Variants in ZNF276 observed in about 807,000 individuals in gnomAD.
The protein encoded by ZNF276 is centromere protein Z.
ZNF276 carries 59 observed loss-of-function variants against 63.9 expected under a neutral mutation model. That is an observed-to-expected ratio of 0.92 (90% CI 0.75 to 1.15). ZNF276 has a LOEUF of 1.15. ZNF276 is among the 50% of genes most tolerant of loss of function. ZNF276 has a pLI of 0.00. For synonymous variants in ZNF276, 496 were observed against 348.4 expected (o/e 1.42, Z -4.72); for missense variants, 1,084 against 843.8 (o/e 1.28, Z -3.53).
chr16:89,733,542 C>G lies in ZNF276; in HGVS notation c.1341C>G (p.Gly447=), dbSNP rs17177891. 6.2e-7 allele frequency: 1 copy of G among 1,614,062 alleles called. No individual in the cohort carries two copies. Among genetic ancestry groups the G allele is most frequent in the East Asian group, 2.2e-5 (1 of 44,866 alleles). ...AGGGCTGCACGGCCGTGTACCGAGG[C>G]GCTGACGGCATGAAGGTGAGCACTG... ...PYQGCTAVYR[G]ADGMKKHIKE... is the part of the protein sequence containing the mutation. The change falls in exon 8 of 11, where the codon GGC becomes GGG. Residue 447 remains glycine, a synonymous_variant. Coordinates refer to ENST00000443381, the MANE Select transcript of ZNF276 (RefSeq NM_001113525.2).
Position 89,733,921 on chromosome 16 carries a change from A to G in ZNF276, c.1357A>G (p.Lys453Glu). Residue 453 changes from lysine to glutamate, a missense_variant and splice_region_variant, in exon 9 of 11, where the codon AAG (lysine) becomes GAG (glutamate). Physicochemically the swap from Lys to Glu is moderately conservative, Grantham distance 56 (BLOSUM62 1). Coordinates refer to ENST00000443381, the MANE Select transcript of ZNF276 (RefSeq NM_001113525.2). ...AVYRGADGMK[K>E]HIKEHHEEVR... ...GTCTCTCACCGAGTCTCTCCTTCAG[A>G]AGCACATCAAGGAGCACCACGAGGA... 6.2e-7 allele frequency: 1 copy of G among 1,613,426 alleles called. No homozygotes were observed. The highest frequency in any genetic ancestry group is 8.5e-7 in the Non-Finnish European group (1 of 1,179,720).
At chr16:89,729,401 G>A in intron 6 of ZNF276, 83 bp downstream of exon 6, 1 of 1,245,852 alleles carries the variant, frequency 8.0e-7, no homozygotes, top group South Asian at 1.2e-5. Flanking sequence ...TCTCCCCGGT[G>A]CCCACTCAGT....
At chr16:89,736,432 C>A (rs2061894555) in intron 9 of ZNF276, among the ~76,000 whole-genome samples, 1 of 151,644 alleles carries the variant, frequency 6.6e-6, no homozygotes. Context: ...TCATGCAATT[C>A]TGCTGCCTCA....
In ZNF276 at chr16:89,740,295, G is replaced by A. The variant is rs55667823; in HGVS notation, c.*2049G>A. 1,399 of 605,542 alleles carry A rather than the reference G, an allele frequency of 2.3e-3. 12 individuals carry two copies. Among genetic ancestry groups the A allele is most frequent in the East Asian group, 2.6e-3 (90 of 35,252 alleles). 37.5% of individuals were successfully genotyped at this position (605,542 alleles called of 1,614,324 possible). On this transcript the variant is annotated 3_prime_UTR_variant, in exon 11 of 11. Transcript: ENST00000443381. The stretch of plus-strand genomic sequence containing the variant: ...GCTCAGGTAGGAGGCCAGGGACTTC[G>A]AGCACCCACACCAAGGCTGCTGCAC...
chr16:89,728,726 G>A (rs939898452), intron 5 of ZNF276, among the ~76,000 whole-genome samples: 4 of 151,958 alleles, frequency 2.6e-5, no homozygotes, highest in Admixed American at 1.3e-4. Flanking sequence ...TAGTAGAGAC[G>A]GGGTTTCACG....
At chr16:89,736,922 G>A (rs540858904) in intron 9 of ZNF276, among the ~76,000 whole-genome samples, 6 of 152,066 alleles carry the variant, frequency 3.9e-5, no homozygotes, top group South Asian at 2.1e-4. Flanking sequence ...AAAGAACAGC[G>A]TAGAGTAAAA....
intron 6 of ZNF276, chr16:89,731,604 G>A (rs1457086517): frequency 6.6e-6 from 1 of 152,298 alleles, no homozygotes; most frequent in Non-Finnish European, 1.5e-5. Flanking sequence ...TCATGTTGTT[G>A]CCTAGGCTGG....
chr16:89,734,479 C>G (rs3764257), intron 9 of ZNF276, among the ~76,000 whole-genome samples: 28,449 of 152,094 alleles, frequency 0.19, 3,324 homozygotes, highest in Middle Eastern at 0.3. Context: ...GCACCCGCAA[C>G]CATGCCTGGC....
In ZNF276 at chr16:89,738,749, A is replaced by G. The variant is rs1242162771; in HGVS notation, c.*503A>G. The G allele has an allele frequency of 1.9e-6, 3 of 1,612,726 alleles. No individual in the cohort carries two copies. Among genetic ancestry groups the G allele is most frequent in the East Asian group, 2.2e-5 (1 of 44,868 alleles). On this transcript the variant is annotated 3_prime_UTR_variant, in exon 11 of 11. Coordinates refer to ENST00000443381, the MANE Select transcript of ZNF276 (RefSeq NM_001113525.2). ...AGGTCCTCAGCCCATGCCGCCCACTAGGCCTCAGACCACAGGGGAGGGGCT... is the reference window on the plus strand; with the variant it reads ...AGGTCCTCAGCCCATGCCGCCCACTGGGCCTCAGACCACAGGGGAGGGGCT...
At chr16:89,724,090 G>A (rs2151664518) in intron 4 of ZNF276, among the ~76,000 whole-genome samples, 1 of 152,346 alleles carries the variant, frequency 6.6e-6, no homozygotes, top group Admixed American at 6.5e-5. Context: ...TGCTGCCCTG[G>A]GCCAGCTGCA....
Position 89,733,288 on chromosome 16 carries a change from C to A in ZNF276, c.1170-14C>A, listed in dbSNP as rs747173864. 5 of 1,606,614 alleles carry A rather than the reference C, an allele frequency of 3.1e-6. No homozygotes were observed. The Admixed American group carries it at 6.8e-5, about 22-fold the overall frequency. On this transcript the variant is annotated splice_polypyrimidine_tract_variant and intron_variant, in intron 6 of 10. Coordinates refer to ENST00000443381, the MANE Select transcript of ZNF276 (RefSeq NM_001113525.2). ...GATCAGAAACCATTGAATTTGGGAA[C>A]CTCTTTTTTTCAGAGTCTCTGGTAA... is the stretch of plus-strand genomic sequence containing the variant.
At position 89,740,740 on chromosome 16, in the gene ZNF276, T is replaced by C. The variant is rs1009868548; in HGVS notation, c.*2494T>C. On this transcript the variant is annotated 3_prime_UTR_variant, in exon 11 of 11. Coordinates refer to ENST00000443381, the MANE Select transcript of ZNF276 (RefSeq NM_001113525.2). ...TGGAAACCCTGACTTGGAAGCTGGC[T>C]GCCTGGTGCCCCTGCCTGGCCCACA... The C allele has an allele frequency of 4.2e-6, 6 of 1,423,556 alleles. No individual in the cohort carries two copies. In the African/African-American group the frequency reaches 8.5e-5, roughly 20 times the overall value. The allele number at this position is 1,423,556 out of a possible 1,614,324, so 88.2% of individuals were successfully genotyped here. A position where few individuals can be genotyped will look rare whatever the true frequency, so the allele number is the denominator to read the frequency against.
rs750600939 is a variant in ZNF276, at chr16:89,727,309, C to A, written c.1037C>A (p.Ser346Ter). The change falls in exon 5 of 11, where the codon TCA becomes TAA. Residue 346 changes from serine (S) to a stop codon, truncating the protein, a stop_gained. Transcript: ENST00000443381. LOFTEE classifies it high-confidence loss of function. ...GQLGEKQLPS[S>*]TSDDRVKDEF... ...TTGGGTGAGAAGCAGCTTCCATCTT[C>A]AACCTCGGATGATCGGGTAAAAGAC... The A allele has an allele frequency of 1.2e-6, 2 of 1,614,050 alleles. No homozygotes were observed. The highest frequency in any genetic ancestry group is 1.3e-5 in the African/African-American group (1 of 74,928).
Position 89,738,401 on chromosome 16 carries a change from C to T in ZNF276, c.*155C>T, listed in dbSNP as rs1271919646. ...GGTGTCCGGCTCAAGTAGCCTTCCTCTGCTCTGGGACCAGTGGTTTATTTT... is the reference window on the plus strand; with the variant it reads ...GGTGTCCGGCTCAAGTAGCCTTCCTTTGCTCTGGGACCAGTGGTTTATTTT... On this transcript the variant is annotated 3_prime_UTR_variant, in exon 11 of 11. Transcript: ENST00000443381. 1 of 1,379,460 alleles carries T rather than the reference C, an allele frequency of 7.2e-7. No individual in the cohort carries two copies. Among genetic ancestry groups the T allele is most frequent in the African/African-American group, 1.4e-5 (1 of 69,524 alleles). 85.5% of individuals were successfully genotyped at this position (1,379,460 alleles called of 1,614,324 possible).
intron 8 of ZNF276, 40 bp downstream of exon 8, chr16:89,733,597 C>CA: frequency 6.2e-7 from 1 of 1,606,096 alleles, no homozygotes; most frequent in Non-Finnish European, 8.5e-7. Flanking sequence ...CGGCAGCTGT[C>CA]AGTGTGAACC....
intron 1 of ZNF276, among the ~76,000 whole-genome samples, chr16:89,722,322 C>G (rs1170300787): frequency 1.3e-5 from 2 of 152,224 alleles, no homozygotes; most frequent in East Asian, 3.9e-4. Flanking sequence ...CCTTAGAGGC[C>G]TTTGAAATTT....
chr16:89,738,429 C>T lies in ZNF276; in HGVS notation c.*183C>T, dbSNP rs577149121. 608 of 1,377,546 alleles carry T rather than the reference C, an allele frequency of 4.4e-4. 3 individuals are homozygous for T. The Admixed American group carries it at 5.4e-3, about 12-fold the overall frequency. The allele number at this position is 1,377,546 out of a possible 1,614,324, so 85.3% of individuals were successfully genotyped here. ...CTCTGGGACCAGTGGTTTATTTTCC[C>T]GCAAACGCTGAGTGACTCGGGGCCG... On this transcript the variant is annotated 3_prime_UTR_variant, in exon 11 of 11. Transcript: ENST00000443381.
chr16:89,721,504 G>C, upstream of ZNF276: 13 of 550,512 alleles, frequency 2.4e-5, no homozygotes, highest in Non-Finnish European at 2.7e-5. Flanking sequence ...CGCCCCGCCC[G>C]CCTCGCTTTG....
intron 4 of ZNF276, among the ~76,000 whole-genome samples, chr16:89,726,768 C>T (rs2061483556): frequency 6.6e-6 from 1 of 152,136 alleles, no homozygotes; most frequent in South Asian, 2.1e-4. Flanking sequence ...GCCTCAGCCT[C>T]CCAGGTAGCT....
Sources: gnomAD v4.1 joint callset for allele counts (sites outside exome capture counted in the v4.1 genomes callset) on GRCh38, gnomAD v4.1.1 for gene constraint, MANE v1.5 for transcripts, NCBI Gene and HGNC (gene_info 2026-07-23, HGNC 2026-07-21) for gene names.